Variants in APOL5 observed in about 807,000 individuals in gnomAD.
The protein encoded by APOL5 is apolipoprotein L, 5.
In APOL5, 29 loss-of-function variants were observed where a neutral mutation model predicts 35.5. The ratio of observed to expected loss-of-function variants is 0.82; its 90% CI spans 0.61 to 1.11. The LOEUF (loss-of-function observed/expected upper bound fraction) is 1.11. APOL5 is among the 50% of genes most tolerant of loss of function. The pLI is 0.00. For missense variants in APOL5, 514 were observed against 530.4 expected (o/e 0.97, Z 0.30); for synonymous variants, 188 against 200.2 (o/e 0.94, Z 0.51).
chr22:35,726,173 C>T lies in APOL5; in HGVS notation c.143-38C>T, dbSNP rs534142644. 7 of 1,585,734 alleles carry T rather than the reference C, an allele frequency of 4.4e-6. No individual in the cohort carries two copies. The East Asian group carries it at 9.0e-5, about 20-fold the overall frequency. On this transcript the variant is annotated intron_variant, in intron 2 of 4. Coordinates refer to ENST00000249044, the MANE Select transcript of APOL5 (RefSeq NM_030642.1). ...TCGATTCTCAGGGCTCTGCCTCCTG[C>T]ACACATTTTAGTGCTCAGATTGCCT...
chr22:35,712,353 G>A, the APOL5 span, among the ~76,000 whole-genome samples: 1 of 151,954 alleles, frequency 6.6e-6, no homozygotes, highest in Non-Finnish European at 1.5e-5. Flanking sequence ...GTGTGAAGTG[G>A]TATTTCATGT....
chr22:35,717,235 A>AAATATAT, upstream of APOL5, among the ~76,000 whole-genome samples: 282 of 57,644 alleles, frequency 4.9e-3, 7 homozygotes, highest in African/African-American at 0.018. Flanking sequence ...AAAAAAAAAA[A>AAATATAT]ATATATATAT....
In APOL5 at chr22:35,720,564, C is replaced by G; in HGVS notation, c.56-4C>G. The G allele has an allele frequency of 6.2e-7, 1 of 1,613,958 alleles. No individual in the cohort carries two copies. Among genetic ancestry groups the G allele is most frequent in the Non-Finnish European group, 8.5e-7 (1 of 1,179,920 alleles). ...AAATGTCCCTGATCCTTGTCCATCT[C>G]CAGGCTTGGGAGAAGGTTGTAAAGA... On this transcript the variant is annotated splice_polypyrimidine_tract_variant and splice_region_variant and intron_variant, in intron 1 of 4. Transcript: ENST00000249044.
At chr22:35,715,685 AACTT>A (rs59814080), upstream of APOL5, among the ~76,000 whole-genome samples, 1,634 of 152,248 alleles carry the variant, frequency 0.011, 29 homozygotes, top group African/African-American at 0.038. Context: ...AAAAAAACAA[AACTT>A]AGTGTCATGA....
intron 4 of APOL5, 125 bp downstream of exon 4, chr22:35,729,029 T>G (rs1280154196): frequency 8.8e-7 from 1 of 1,132,186 alleles, no homozygotes. Context: ...TGTTGCTACC[T>G]TTCCATCCGG....
At chr22:35,718,611 A>G (rs1280242824) in intron 1 of APOL5, among the ~76,000 whole-genome samples, 1 of 147,278 alleles carries the variant, frequency 6.8e-6, no homozygotes, top group Non-Finnish European at 1.5e-5. Flanking sequence ...AAAAAAAAAA[A>G]AAAAAAGACG....
chr22:35,720,666 G>C lies in APOL5; in HGVS notation c.142+12G>C. The C allele has an allele frequency of 1.3e-6, 2 of 1,582,306 alleles. No individual in the cohort carries two copies. The highest frequency in any genetic ancestry group is 1.7e-6 in the Non-Finnish European group (2 of 1,152,186). Reference sequence around the variant, plus strand: ...AGAACCTGAGTTCCGTGAGGGCAGAGAACAGGCTGTTATGCTTATGGCCAC... The same window carrying C: ...AGAACCTGAGTTCCGTGAGGGCAGACAACAGGCTGTTATGCTTATGGCCAC... On this transcript the variant is annotated intron_variant, in intron 2 of 4. Coordinates refer to ENST00000249044, the MANE Select transcript of APOL5 (RefSeq NM_030642.1).
the APOL5 span, among the ~76,000 whole-genome samples, chr22:35,711,118 C>G: frequency 2.6e-5 from 4 of 152,134 alleles, no homozygotes; most frequent in Non-Finnish European, 5.9e-5. Flanking sequence ...TGCAGTAAGC[C>G]AAGATCACGC....
At position 35,726,423 on chromosome 22, in the gene APOL5, G is replaced by T. The variant is rs776375825; in HGVS notation, c.355G>T (p.Glu119Ter). Residue 119 changes from glutamate to a stop codon, truncating the protein, a stop_gained, in exon 3 of 5, where the codon GAA becomes TAA. Coordinates refer to ENST00000249044, the MANE Select transcript of APOL5 (RefSeq NM_030642.1). LOFTEE classifies it high-confidence loss of function. ...HKFELEQNIKELNTLADQVDT... is the reference protein window; with the variant it reads ...HKFELEQNIK The stretch of plus-strand genomic sequence containing the variant: ...GTTTGAGCTAGAACAGAACATCAAA[G>T]AACTTAACACCCTTGCGGACCAAGT... 3.7e-6 allele frequency: 6 copies of T among 1,614,016 alleles called. 1 individual carries two copies. Among genetic ancestry groups the T allele is most frequent in the African/African-American group, 2.7e-5 (2 of 74,926 alleles).
upstream of APOL5, among the ~76,000 whole-genome samples, chr22:35,715,874 G>C (rs1240708052): frequency 6.6e-6 from 1 of 152,136 alleles, no homozygotes; most frequent in Non-Finnish European, 1.5e-5. Flanking sequence ...TATCTATGTA[G>C]AGCATAGGAA....
chr22:35,719,775 G>C (rs150761703), intron 1 of APOL5, among the ~76,000 whole-genome samples: 2 of 152,240 alleles, frequency 1.3e-5, no homozygotes, highest in South Asian at 2.1e-4. Flanking sequence ...TGAGCTTATC[G>C]GAAGGACAAA....
intron 2 of APOL5, among the ~76,000 whole-genome samples, chr22:35,724,661 T>C (rs911638626): frequency 6.6e-6 from 1 of 152,090 alleles, no homozygotes; most frequent in Non-Finnish European, 1.5e-5. Flanking sequence ...CAGGCTGGAG[T>C]GCTATGGCGC....
At position 35,726,866 on chromosome 22, in the gene APOL5, A is replaced by G. The variant is rs936888688; in HGVS notation, c.798A>G (p.Arg266=). The G allele has an allele frequency of 6.2e-7, 1 of 1,614,078 alleles. No individual in the cohort carries two copies. The highest frequency in any genetic ancestry group is 8.5e-7 in the Non-Finnish European group (1 of 1,180,042). Reference sequence around the variant, plus strand: ...TGGTCAAGAATTTTGTGGCCAAGAGACACATCCCTTTCTGGACGGCTAGAG... The same window carrying G: ...TGGTCAAGAATTTTGTGGCCAAGAGGCACATCCCTTTCTGGACGGCTAGAG... ...MAMVKNFVAK[R]HIPFWTARGV... is the part of the protein sequence containing the mutation. The change falls in exon 3 of 5, where the codon AGA becomes AGG. Residue 266 remains arginine, a synonymous_variant. Coordinates refer to ENST00000249044, the MANE Select transcript of APOL5 (RefSeq NM_030642.1).
upstream of APOL5, among the ~76,000 whole-genome samples, chr22:35,716,631 A>G (rs1265256647): frequency 6.6e-6 from 1 of 152,144 alleles, no homozygotes; most frequent in Non-Finnish European, 1.5e-5. Context: ...GATGAGTGAA[A>G]AGTGCAAAAG....
chr22:35,725,006 C>T (rs75051012), intron 2 of APOL5, among the ~76,000 whole-genome samples: 1,880 of 152,234 alleles, frequency 0.012, 32 homozygotes, highest in African/African-American at 0.042. Context: ...GAACTGTGCT[C>T]CTGCTAAAAA....
chr22:35,722,846 T>C (rs1927020660), intron 2 of APOL5, among the ~76,000 whole-genome samples: 1 of 152,116 alleles, frequency 6.6e-6, no homozygotes, highest in South Asian at 2.1e-4. Context: ...TCACTAACAA[T>C]AGCGGGGAGG....
intron 1 of APOL5, 117 bp from the exon 2 acceptor site, chr22:35,720,451 T>TC: frequency 1.3e-6 from 1 of 766,312 alleles, no homozygotes; most frequent in East Asian, 2.6e-5. Flanking sequence ...TGTATTCTTT[T>TC]TTTTTTCTAA....
upstream of APOL5, among the ~76,000 whole-genome samples, chr22:35,714,782 G>A (rs1269305054): frequency 1.3e-5 from 2 of 152,226 alleles, no homozygotes; most frequent in Admixed American, 6.5e-5. Context: ...GAGGAGGCAG[G>A]AGAGAGGAGC....
At chr22:35,724,276 A>G (rs5755931) in intron 2 of APOL5, among the ~76,000 whole-genome samples, 91,847 of 148,396 alleles carry the variant, frequency 0.62, 29,100 homozygotes, top group South Asian at 0.78. Flanking sequence ...AATATAGTGA[A>G]GCCCTGTCTC....
Sources: allele counts gnomAD v4.1 joint callset (sites outside exome capture counted in the v4.1 genomes callset), GRCh38; gene constraint gnomAD v4.1.1; transcripts MANE v1.5; gene names NCBI Gene and HGNC (gene_info 2026-07-23, HGNC 2026-07-21).